The following LHFPL3 variants were observed in gnomAD, a reference collection of about 807,000 sequenced individuals.
LHFPL3 encodes the protein LHFPL tetraspan subfamily member 3.
LHFPL3 carries 5 observed loss-of-function variants against 19.3 expected under a neutral mutation model. That is an observed-to-expected ratio of 0.26 (90% CI 0.14 to 0.54). LHFPL3 has a LOEUF of 0.54. Ranked by LOEUF, LHFPL3 falls within the 20% of genes least tolerant of loss-of-function variation. LHFPL3 has a pLI of 0.94. For synonymous variants in LHFPL3, 133 were observed against 126.2 expected (o/e 1.05, Z -0.36); for missense variants, 249 against 307.4 (o/e 0.81, Z 1.42).
chr7:104,600,387 C>T (rs923933590), intron 1 of LHFPL3, among the ~76,000 whole-genome samples: 6 of 152,158 alleles, frequency 3.9e-5, no homozygotes, highest in African/African-American at 1.2e-4. Context: ...ATACACTTTC[C>T]ATATCACTGA....
At position 104,778,656 on chromosome 7, in the gene LHFPL3, C is replaced by T. The variant is rs1162760608; in HGVS notation, c.682+41745C>T. On this transcript the variant is annotated intron_variant, in intron 2 of 2. Transcript: ENST00000424859. ...GCCTCCTACTTAGGGCTCACTTTCCCCTCGCACTATCATCTACCACTTCTC... is the reference window on the plus strand; with the variant it reads ...GCCTCCTACTTAGGGCTCACTTTCCTCTCGCACTATCATCTACCACTTCTC... Among the ~76,000 whole-genome samples, 3 of 152,332 alleles carry T rather than the reference C, an allele frequency of 2.0e-5. No individual in the cohort carries two copies. In the East Asian group the frequency reaches 5.8e-4, roughly 29 times the overall value.
At chr7:104,740,771 T>TG (rs766281363) in intron 2 of LHFPL3, among the ~76,000 whole-genome samples, 10 of 152,182 alleles carry the variant, frequency 6.6e-5, no homozygotes, top group Non-Finnish European at 1.3e-4. Flanking sequence ...GTCCTGGCCT[T>TG]GACATGTGGG....
chr7:104,858,884 G>A (rs1364469193), intron 2 of LHFPL3, among the ~76,000 whole-genome samples: 1 of 151,690 alleles, frequency 6.6e-6, no homozygotes. Context: ...CTATAACAGT[G>A]CAGGACCACT....
At chr7:104,644,811 G>A (rs551586389) in intron 1 of LHFPL3, among the ~76,000 whole-genome samples, 8 of 152,202 alleles carry the variant, frequency 5.3e-5, no homozygotes, top group African/African-American at 1.4e-4. Context: ...CCTGCTGAAC[G>A]TAAGTATCAC....
chr7:104,834,554 T>C (rs910520529), intron 2 of LHFPL3, among the ~76,000 whole-genome samples: 2 of 151,956 alleles, frequency 1.3e-5, no homozygotes, highest in Non-Finnish European at 1.5e-5. Flanking sequence ...GAGACCAAGA[T>C]GGCAAGTTCA....
At chr7:104,679,559 T>C (rs1193575932) in intron 1 of LHFPL3, among the ~76,000 whole-genome samples, 2 of 152,248 alleles carry the variant, frequency 1.3e-5, no homozygotes, top group Non-Finnish European at 2.9e-5. Flanking sequence ...TCAATGTTTA[T>C]TTCATTACAC....
At chr7:104,904,577 G>A (rs1792561218) in intron 2 of LHFPL3, among the ~76,000 whole-genome samples, 1 of 152,128 alleles carries the variant, frequency 6.6e-6, no homozygotes, top group East Asian at 1.9e-4. Context: ...CTTGAACCTG[G>A]GAGGCAGAGG....
chr7:104,759,140 G>C (rs1032900123), intron 2 of LHFPL3, among the ~76,000 whole-genome samples: 1 of 152,154 alleles, frequency 6.6e-6, no homozygotes, highest in Non-Finnish European at 1.5e-5. Flanking sequence ...GATGCTTAAA[G>C]AACTCCCATT....
chr7:104,329,790 A>T (rs2116340219), intron 1 of LHFPL3, among the ~76,000 whole-genome samples: 1 of 152,232 alleles, frequency 6.6e-6, no homozygotes, highest in African/African-American at 2.4e-5. Context: ...AGGTGAAGAG[A>T]TCTTAATTCT....
intron 2 of LHFPL3, among the ~76,000 whole-genome samples, chr7:104,905,679 C>A (rs1031774034): frequency 2.0e-5 from 3 of 152,020 alleles, no homozygotes; most frequent in African/African-American, 7.3e-5. Context: ...ACTGTAATTA[C>A]AATTGTATAA....
At chr7:104,393,676 A>G (rs1791124917) in intron 1 of LHFPL3, among the ~76,000 whole-genome samples, 1 of 152,206 alleles carries the variant, frequency 6.6e-6, no homozygotes, top group Non-Finnish European at 1.5e-5. Context: ...AGACCATGCC[A>G]CTGCACTCCA....
intron 2 of LHFPL3, among the ~76,000 whole-genome samples, chr7:104,780,320 T>C (rs1275096025): frequency 6.6e-6 from 1 of 152,104 alleles, no homozygotes; most frequent in Non-Finnish European, 1.5e-5. Flanking sequence ...ACACCTCCAT[T>C]CTTTGGTAAG....
intron 1 of LHFPL3, among the ~76,000 whole-genome samples, chr7:104,675,518 T>A (rs950726398): frequency 5.3e-5 from 8 of 152,158 alleles, no homozygotes; most frequent in African/African-American, 1.4e-4. Flanking sequence ...ATCATTCTGC[T>A]TGCTATGTGG....
chr7:104,623,129 G>T, intron 1 of LHFPL3: 2 of 201,078 alleles, frequency 9.9e-6, no homozygotes, highest in Non-Finnish European at 2.1e-5. Flanking sequence ...TGTGTTATTT[G>T]ATTTTTATTA....
intron 1 of LHFPL3, among the ~76,000 whole-genome samples, chr7:104,714,865 G>A (rs552096517): frequency 6.6e-6 from 1 of 152,296 alleles, no homozygotes; most frequent in African/African-American, 2.4e-5. Flanking sequence ...TGGGTGCAGA[G>A]GGATGCGTTT....
chr7:104,769,544 G>A (rs1335849096), intron 2 of LHFPL3, among the ~76,000 whole-genome samples: 2 of 152,108 alleles, frequency 1.3e-5, no homozygotes, highest in Non-Finnish European at 2.9e-5. Flanking sequence ...GTGCCATGGT[G>A]GTTTGCTGCA....
intron 1 of LHFPL3, among the ~76,000 whole-genome samples, chr7:104,524,299 ACT>A (rs1233223311): frequency 2.0e-5 from 3 of 152,100 alleles, no homozygotes; most frequent in African/African-American, 7.2e-5. Flanking sequence ...AAAGAGTCAA[ACT>A]CTCGGGAAGA....
intron 1 of LHFPL3, among the ~76,000 whole-genome samples, chr7:104,689,379 G>A (rs548377778): frequency 2.6e-5 from 4 of 152,130 alleles, no homozygotes; most frequent in Non-Finnish European, 5.9e-5. Context: ...GGTGTTCCTA[G>A]AAGTGAAATT....
chr7:104,527,383 A>C (rs67700059), intron 1 of LHFPL3, among the ~76,000 whole-genome samples: 19,814 of 152,120 alleles, frequency 0.13, 1,443 homozygotes, highest in South Asian at 0.17. Context: ...ATAATTGAGT[A>C]GGAGTTCATG....
Sources: gnomAD v4.1 joint callset for allele counts (sites outside exome capture counted in the v4.1 genomes callset) on GRCh38, gnomAD v4.1.1 for gene constraint, MANE v1.5 for transcripts, NCBI Gene and HGNC (gene_info 2026-07-23, HGNC 2026-07-21) for gene names.